Variants in GPM6A observed in about 807,000 individuals in gnomAD.
GPM6A encodes the protein glycoprotein M6A, also known as neuronal membrane glycoprotein M6-a.
A neutral mutation model predicts 32.1 loss-of-function variants in GPM6A; 7 were observed. The observed-to-expected ratio is 0.22, with a 90% CI of 0.12 to 0.41. GPM6A has a LOEUF of 0.41. Among genes scored for constraint, GPM6A ranks in the 10% least tolerant of loss-of-function variants. The probability of loss-of-function intolerance (pLI) is 1.00; values close to 1 mark genes in which losing one functional copy is unlikely to be tolerated. For synonymous variants in GPM6A, 130 were observed against 123.4 expected (o/e 1.05, Z -0.35); for missense variants, 235 against 347.2 (o/e 0.68, Z 2.57).
intron 1 of GPM6A, among the ~76,000 whole-genome samples, chr4:175,965,045 G>GA (rs61014231): frequency 0.038 from 5,790 of 152,292 alleles, 180 homozygotes; most frequent in Middle Eastern, 0.075. Context: ...AAGCAGTGAA[G>GA]AAAACAGCAC....
chr4:175,816,914 CA>C (rs1735119094), upstream of GPM6A, among the ~76,000 whole-genome samples: 1 of 151,788 alleles, frequency 6.6e-6, no homozygotes, highest in African/African-American at 2.4e-5. Context: ...GGCTGGAGTG[CA>C]GCGGCGCGGT....
intron 1 of GPM6A, among the ~76,000 whole-genome samples, chr4:175,776,384 C>T (rs563959768): frequency 6.6e-6 from 1 of 152,210 alleles, no homozygotes; most frequent in African/African-American, 2.4e-5. Context: ...GGCCTGGCCA[C>T]AACCTTGACG....
intron 1 of GPM6A, among the ~76,000 whole-genome samples, chr4:175,733,045 T>C (rs1034063135): frequency 6.6e-6 from 1 of 151,650 alleles, no homozygotes; most frequent in Non-Finnish European, 1.5e-5. Flanking sequence ...TAATAACGAG[T>C]GAAATGGACA....
chr4:175,729,921 ATTT>A (rs1450814089), intron 1 of GPM6A, among the ~76,000 whole-genome samples: 2 of 146,732 alleles, frequency 1.4e-5, no homozygotes, highest in Non-Finnish European at 3.0e-5. Context: ...TATATATATT[ATTT>A]AATATAAATT....
At chr4:175,719,205 T>TA (rs1560894458) in intron 1 of GPM6A, among the ~76,000 whole-genome samples, 1 of 38,270 alleles carries the variant, frequency 2.6e-5, no homozygotes, top group Non-Finnish European at 7.7e-5. Flanking sequence ...TAACACAACT[T>TA]TTTTTTTTTT....
intron 2 of GPM6A, among the ~76,000 whole-genome samples, chr4:175,688,330 AG>A (rs1488979165): frequency 6.6e-6 from 1 of 152,194 alleles, no homozygotes; most frequent in Non-Finnish European, 1.5e-5. Flanking sequence ...TTATAATTTT[AG>A]GTCTTACATT....
At chr4:175,811,348 C>T (rs977036250) in intron 1 of GPM6A, among the ~76,000 whole-genome samples, 11 of 152,230 alleles carry the variant, frequency 7.2e-5, no homozygotes, top group African/African-American at 2.6e-4. Flanking sequence ...TCTGACATTA[C>T]ATAAGCCCGA....
intron 1 of GPM6A, among the ~76,000 whole-genome samples, chr4:175,823,031 C>T (rs1049997490): frequency 3.9e-5 from 6 of 151,944 alleles, no homozygotes; most frequent in Non-Finnish European, 7.4e-5. Context: ...ATTGGGCTGG[C>T]GATTTTTATA....
chr4:175,720,768 G>C (rs1385473368), intron 1 of GPM6A, among the ~76,000 whole-genome samples: 1 of 152,030 alleles, frequency 6.6e-6, no homozygotes, highest in African/African-American at 2.4e-5. Context: ...ATGATGTCCA[G>C]TCAAATTATA....
At chr4:175,850,899 C>A (rs1736233054) in intron 1 of GPM6A, among the ~76,000 whole-genome samples, 1 of 150,478 alleles carries the variant, frequency 6.6e-6, no homozygotes, top group Admixed American at 6.7e-5. Flanking sequence ...TTATTTGTAA[C>A]ATAAAATATG....
At chr4:175,904,575 C>A (rs1738070913) in intron 1 of GPM6A, among the ~76,000 whole-genome samples, 2 of 152,038 alleles carry the variant, frequency 1.3e-5, no homozygotes, top group Admixed American at 6.6e-5. Context: ...AGACTACCAC[C>A]ACTTGGCACT....
intron 1 of GPM6A, among the ~76,000 whole-genome samples, chr4:175,843,453 T>A (rs1356851723): frequency 1.3e-5 from 2 of 152,174 alleles, no homozygotes; most frequent in African/African-American, 2.4e-5. Flanking sequence ...TAATCCTAGT[T>A]CCATGACTGA....
chr4:175,889,788 G>C (rs997726336), intron 1 of GPM6A, among the ~76,000 whole-genome samples: 10 of 152,108 alleles, frequency 6.6e-5, no homozygotes, highest in Non-Finnish European at 1.0e-4. Flanking sequence ...ACTCCAGCCT[G>C]GGTGACAGAG....
At chr4:175,789,307 CA>C (rs1733917817) in intron 1 of GPM6A, among the ~76,000 whole-genome samples, 2 of 151,936 alleles carry the variant, frequency 1.3e-5, no homozygotes, top group Admixed American at 1.3e-4. Context: ...CTTGATTAAT[CA>C]AAACATCCAT....
intron 1 of GPM6A, among the ~76,000 whole-genome samples, chr4:175,802,012 C>T (rs1734491916): frequency 6.6e-6 from 1 of 152,034 alleles, no homozygotes; most frequent in Admixed American, 6.5e-5. Flanking sequence ...GTATAATGAG[C>T]AGATCCCAAT....
intron 1 of GPM6A, among the ~76,000 whole-genome samples, chr4:175,711,941 C>T (rs1560890447): frequency 6.6e-6 from 1 of 152,052 alleles, no homozygotes; most frequent in Non-Finnish European, 1.5e-5. Context: ...TAAATAGATG[C>T]TCTAAATAGG....
intron 2 of GPM6A, among the ~76,000 whole-genome samples, chr4:175,690,674 T>G (rs1052159837): frequency 6.6e-6 from 1 of 152,230 alleles, no homozygotes; most frequent in African/African-American, 2.4e-5. Flanking sequence ...TCTGGTCAAG[T>G]GGCTCTCTGT....
chr4:175,828,299 T>C (rs930517908), intron 1 of GPM6A, among the ~76,000 whole-genome samples: 1 of 152,220 alleles, frequency 6.6e-6, no homozygotes, highest in African/African-American at 2.4e-5. Context: ...TGGAAATATT[T>C]GAAAGCACGT....
intron 1 of GPM6A, among the ~76,000 whole-genome samples, chr4:175,850,497 T>C (rs1736219776): frequency 6.6e-6 from 1 of 151,966 alleles, no homozygotes; most frequent in Non-Finnish European, 1.5e-5. Flanking sequence ...GTGAGGCAAT[T>C]TGATTTTGGA....
Sources: allele counts gnomAD v4.1 joint callset (sites outside exome capture counted in the v4.1 genomes callset), GRCh38; gene constraint gnomAD v4.1.1; transcripts MANE v1.5; gene names NCBI Gene and HGNC (gene_info 2026-07-23, HGNC 2026-07-21).